Variants in MMP16 observed in about 807,000 individuals in gnomAD.
MMP16 encodes matrix metalloproteinase-16.
A neutral mutation model predicts 67.8 loss-of-function variants in MMP16; 12 were observed. The ratio of observed to expected loss-of-function variants is 0.18; its 90% CI spans 0.11 to 0.29. MMP16 has a LOEUF of 0.29. MMP16 is among the 10% of genes least tolerant of loss of function. MMP16 has a pLI of 1.00. For missense variants in MMP16, 475 were observed against 765.7 expected (o/e 0.62, Z 4.48); for synonymous variants, 249 against 255.9 (o/e 0.97, Z 0.26).
intron 4 of MMP16, among the ~76,000 whole-genome samples, chr8:88,119,300 C>A (rs779036952): frequency 6.6e-6 from 1 of 151,892 alleles, no homozygotes; most frequent in Admixed American, 6.6e-5. Flanking sequence ...TAAATTAAGG[C>A]ATGAAGATGA....
At position 88,041,049 on chromosome 8, in the gene MMP16, A is replaced by T; in HGVS notation, c.*412T>A. On this transcript the variant is annotated 3_prime_UTR_variant, in exon 10 of 10. Coordinates refer to ENST00000286614, the MANE Select transcript of MMP16 (RefSeq NM_005941.5). This position sits in a 1 kb window ranked among gnomAD's most constrained non-coding sequence, Gnocchi z 6.0. The stretch of plus-strand genomic sequence containing the variant: ...AAAAGAAAAAAAGAAAAAAAGAAAA[A>T]CCGTGGGTTTTCTGATTTGCTTTTT... 1 of 154,788 alleles carries T rather than the reference A, an allele frequency of 6.5e-6. No individual in the cohort carries two copies. The allele number at this position is 154,788 out of a possible 1,614,324, so 9.6% of individuals were successfully genotyped here.
chr8:88,069,497 G>A, intron 7 of MMP16: 1 of 520,344 alleles, frequency 1.9e-6, no homozygotes, highest in South Asian at 1.4e-5. Flanking sequence ...AACCATCTTG[G>A]ATTATAGATA....
chr8:88,056,414 C>G (rs1808333328), intron 7 of MMP16, 136 bp from the exon 8 acceptor site: 1 of 287,918 alleles, frequency 3.5e-6, no homozygotes, highest in Admixed American at 5.5e-5. Flanking sequence ...ATATTAAATA[C>G]TTGAAATAAG....
At chr8:88,214,523 C>A (rs540280901) in intron 1 of MMP16, among the ~76,000 whole-genome samples, 1 of 152,096 alleles carries the variant, frequency 6.6e-6, no homozygotes, top group African/African-American at 2.4e-5. Context: ...ATGAACAAAA[C>A]TTAGGTCTAT....
rs995815617 is a variant in MMP16 at position 88,173,723 on chromosome 8, A to G, written c.405-5750T>C. ...AGACCAATTTACTTTTATTCATATT[A>G]TGCTTGTCTAATTAATGGAGCTTCA... On this transcript the variant is annotated intron_variant, in intron 3 of 9. Transcript: ENST00000286614. Among the ~76,000 whole-genome samples the G allele has an allele frequency of 7.9e-5, 12 of 152,344 alleles. 1 individual carries two copies. In the South Asian group the frequency reaches 2.3e-3, roughly 29 times the overall value.
At chr8:88,095,365 T>G (rs1809008317) in intron 6 of MMP16, among the ~76,000 whole-genome samples, 1 of 151,780 alleles carries the variant, frequency 6.6e-6, no homozygotes, top group Non-Finnish European at 1.5e-5. Context: ...ATTCTGGTTT[T>G]GACTCCGATC....
intron 6 of MMP16, among the ~76,000 whole-genome samples, chr8:88,104,159 C>T (rs1442174590): frequency 6.6e-6 from 1 of 151,778 alleles, no homozygotes; most frequent in East Asian, 1.9e-4. Flanking sequence ...ATATATATAA[C>T]ATTATTACAA....
intron 7 of MMP16, among the ~76,000 whole-genome samples, chr8:88,057,950 C>A (rs1044210986): frequency 1.3e-5 from 2 of 152,032 alleles, no homozygotes; most frequent in Admixed American, 1.3e-4. Context: ...AATTGAAAAA[C>A]TACTGAAGGC....
intron 7 of MMP16, among the ~76,000 whole-genome samples, chr8:88,073,913 T>G (rs1004430006): frequency 6.6e-6 from 1 of 152,184 alleles, no homozygotes; most frequent in African/African-American, 2.4e-5. Context: ...CACAATTCCC[T>G]CAGTCCTCCA....
chr8:88,052,611 T>C (rs1378022232), intron 8 of MMP16, among the ~76,000 whole-genome samples: 1 of 152,174 alleles, frequency 6.6e-6, no homozygotes, highest in Non-Finnish European at 1.5e-5. Context: ...AGAATAAAAT[T>C]CAAACTGTTT....
At chr8:88,191,840 G>A (rs112328777) in intron 2 of MMP16, among the ~76,000 whole-genome samples, 99 of 152,324 alleles carry the variant, frequency 6.5e-4, no homozygotes, top group African/African-American at 2.0e-3. Flanking sequence ...TGCTGGTGCT[G>A]CAGGAAGGCC....
intron 1 of MMP16, among the ~76,000 whole-genome samples, chr8:88,234,701 A>G (rs974202345): frequency 2.0e-5 from 3 of 152,214 alleles, no homozygotes; most frequent in African/African-American, 7.2e-5. Context: ...TTTTAACTAC[A>G]GTGACTCCAT....
chr8:88,317,330 C>T (rs113641688), intron 1 of MMP16, among the ~76,000 whole-genome samples: 91 of 152,260 alleles, frequency 6.0e-4, no homozygotes, highest in African/African-American at 2.0e-3. Flanking sequence ...GGGCCATTAC[C>T]ATGATCAGTC....
intron 1 of MMP16, among the ~76,000 whole-genome samples, chr8:88,294,036 CAG>C (rs1479508251): frequency 1.3e-5 from 2 of 152,158 alleles, no homozygotes; most frequent in South Asian, 2.1e-4. Context: ...AGAATAAATA[CAG>C]AGTTACTGAA....
At chr8:88,213,350 C>T (rs1809541113) in intron 1 of MMP16, among the ~76,000 whole-genome samples, 1 of 152,054 alleles carries the variant, frequency 6.6e-6, no homozygotes, top group Non-Finnish European at 1.5e-5. Context: ...AGAAAAAATG[C>T]TTTATAAAAT....
At chr8:88,243,031 A>T (rs1170832741) in intron 1 of MMP16, among the ~76,000 whole-genome samples, 1 of 152,196 alleles carries the variant, frequency 6.6e-6, no homozygotes, top group African/African-American at 2.4e-5. Context: ...CTATAATCTC[A>T]GAAACCAAAG....
chr8:88,160,539 C>T (rs560868884), intron 4 of MMP16, among the ~76,000 whole-genome samples: 19 of 152,036 alleles, frequency 1.2e-4, no homozygotes, highest in Non-Finnish European at 2.4e-4. Context: ...AAAATGCTCA[C>T]CATCACTGGC....
chr8:88,056,029 C>T, intron 8 of MMP16, 99 bp downstream of exon 8: 2 of 912,964 alleles, frequency 2.2e-6, no homozygotes, highest in Non-Finnish European at 1.5e-6. Flanking sequence ...TTAAATCCAC[C>T]AGGATTCTTC....
intron 4 of MMP16, among the ~76,000 whole-genome samples, chr8:88,164,512 T>C (rs1229987432): frequency 6.6e-6 from 1 of 152,080 alleles, no homozygotes; most frequent in Non-Finnish European, 1.5e-5. Context: ...GCTGCCCTGC[T>C]GTTGCTGGTT....
Sources: allele counts gnomAD v4.1 joint callset (sites outside exome capture counted in the v4.1 genomes callset), GRCh38; gene constraint gnomAD v4.1.1; non-coding constraint Gnocchi (gnomAD v3.1); transcripts MANE v1.5; gene names NCBI Gene and HGNC (gene_info 2026-07-23, HGNC 2026-07-21).